Variants in POLE observed in about 807,000 individuals in gnomAD.
POLE encodes DNA polymerase epsilon, catalytic subunit.
In POLE, 188 loss-of-function variants were observed where a neutral mutation model predicts 279.2. The ratio of observed to expected loss-of-function variants is 0.67; its 90% CI spans 0.60 to 0.76. The LOEUF (loss-of-function observed/expected upper bound fraction) is 0.76. Ranked by LOEUF, POLE falls within the 30% of genes least tolerant of loss-of-function variation. POLE has a pLI of 0.00. For missense variants in POLE, 2,703 were observed against 3,016.7 expected, an observed-to-expected ratio of 0.90 and a Z score of 2.44; for synonymous variants, 1,214 against 1,172.5, an observed-to-expected ratio of 1.04 and a Z score of -0.72.
chr12:132,646,702 CGTGCCTGTAATCCCAGCTACTTGGGA>C, intron 32 of POLE, among the ~76,000 whole-genome samples: 1 of 151,864 alleles, frequency 6.6e-6, no homozygotes, highest in East Asian at 1.9e-4. Context: ...CGTGGTGGTG[CGTGCCTGTAATCCCAGCTACTTGGGA>C]GGCTGAGGCA....
At position 132,632,487 on chromosome 12, in the gene POLE, T is replaced by G; in HGVS notation, c.6158A>C (p.Asp2053Ala). 1 of 1,614,012 alleles carries G rather than the reference T, an allele frequency of 6.2e-7. No homozygotes were observed. The highest frequency in any genetic ancestry group is 8.5e-7 in the Non-Finnish European group (1 of 1,179,962). ...CTGAGTGAGCTCATTTGCGACATAA[T>G]CCTGAGAGAAGGTGATCATTCCTGG... ...ALPGMITFSQ[D>A]YVANELTQSF... The change falls in exon 45 of 49, where the codon GAT (aspartate) becomes GCT (alanine). Residue 2053 changes from aspartate (D) to alanine (A), a missense_variant. Asp to Ala is a moderately radical substitution (Grantham distance 126). Coordinates refer to ENST00000320574, the MANE Select transcript of POLE (RefSeq NM_006231.4).
chr12:132,644,065 T>A, intron 32 of POLE, 88 bp from the exon 33 acceptor site: 1 of 1,342,086 alleles, frequency 7.5e-7, no homozygotes, highest in Non-Finnish European at 9.9e-7. Context: ...TTCGGAGTCC[T>A]AGACTTCTGG....
chr12:132,652,312 T>C (rs1215557341), intron 29 of POLE, among the ~76,000 whole-genome samples: 1 of 132,048 alleles, frequency 7.6e-6, no homozygotes, highest in Non-Finnish European at 1.6e-5. Context: ...GATTGTAGTT[T>C]CCTTTTTTTT....
In POLE at chr12:132,638,037, A is replaced by G. The variant is rs761429503; in HGVS notation, c.5655T>C (p.Ala1885=). ...ACCTGCTGGTGATGTACTCCACGTA[A>G]GCGATGGCATCTTCCACACGGCGCT... ...TKKRRVEDAI[A]YVEYITSSIH... Residue 1885 remains alanine (A), a synonymous_variant, in exon 41 of 49, where the codon GCT becomes GCC. Transcript: ENST00000320574. 5 of 1,613,932 alleles carry G rather than the reference A, an allele frequency of 3.1e-6. No individual in the cohort carries two copies. The African/African-American group carries it at 5.3e-5, about 17-fold the overall frequency.
intron 16 of POLE, among the ~76,000 whole-genome samples, chr12:132,669,231 G>A (rs1001550492): frequency 3.9e-5 from 6 of 152,066 alleles, no homozygotes; most frequent in South Asian, 2.1e-4. Context: ...TTCGGAGACC[G>A]AGGCCAGAGG....
intron 20 of POLE, 55 bp downstream of exon 20, chr12:132,667,448 A>G: frequency 6.3e-7 from 1 of 1,590,528 alleles, no homozygotes; most frequent in Non-Finnish European, 8.6e-7. Context: ...CCACTTCATG[A>G]GCCGACTGAA....
intron 16 of POLE, among the ~76,000 whole-genome samples, chr12:132,671,604 G>A (rs1305317518): frequency 2.0e-5 from 3 of 149,352 alleles, no homozygotes; most frequent in Non-Finnish European, 4.4e-5. Context: ...GGGAGGCAGA[G>A]GTTGCAGTGA....
chr12:132,636,048 C>A (rs2138487820), intron 41 of POLE, 24 bp from the exon 42 acceptor site: 5 of 1,603,540 alleles, frequency 3.1e-6, no homozygotes, highest in Non-Finnish European at 4.3e-6. Flanking sequence ...ATTGAAGACG[C>A]TGCTTCAGTG....
Position 132,624,682 on chromosome 12 carries a change from G to A in POLE, c.*15C>T, listed in dbSNP as rs768492915. 12 of 1,536,250 alleles carry A rather than the reference G, an allele frequency of 7.8e-6. No individual in the cohort carries two copies. The highest frequency in any genetic ancestry group is 8.1e-6 in the Non-Finnish European group (9 of 1,110,308). ...GCCTGGCACGGACGCAGAGGCACCC[G>A]GGGCCCGGGGCTGGCTAATGGCCCA... On this transcript the variant is annotated 3_prime_UTR_variant, in exon 49 of 49. Coordinates refer to ENST00000320574, the MANE Select transcript of POLE (RefSeq NM_006231.4).
intron 41 of POLE, among the ~76,000 whole-genome samples, chr12:132,637,339 G>C (rs1293755632): frequency 6.6e-6 from 1 of 152,178 alleles, no homozygotes; most frequent in Non-Finnish European, 1.5e-5. Context: ...CAGACTCTCT[G>C]TGCCTCCACA....
rs5744971 is a variant in POLE, at chr12:132,638,122, T to C, written c.5570A>G (p.Lys1857Arg). 5.0e-4 allele frequency: 805 copies of C among 1,613,800 alleles called. 6 individuals carry two copies. The African/African-American group carries it at 9.9e-3, about 20-fold the overall frequency. ...GTAGATGACTGATGACCCCAGGCGC[T>C]TGAACTCAGCGATGAGCCTGTGGAG... is the stretch of plus-strand genomic sequence containing the variant. Reference protein sequence around the residue: ...KLFLQLIAEFKRLGSSVIYAN... With the variant: ...KLFLQLIAEFRRLGSSVIYAN... Residue 1857 changes from lysine (K) to arginine (R), a missense_variant, in exon 41 of 49, where the codon AAG (lysine) becomes AGG (arginine). Physicochemically the swap from Lys to Arg is conservative, Grantham distance 26. Transcript: ENST00000320574.
intron 29 of POLE, among the ~76,000 whole-genome samples, chr12:132,653,759 T>G (rs1455395846): frequency 6.6e-6 from 1 of 152,242 alleles, no homozygotes; most frequent in Non-Finnish European, 1.5e-5. Context: ...ACTTCAATGC[T>G]TCCAGTGTTT....
intron 20 of POLE, among the ~76,000 whole-genome samples, chr12:132,666,417 G>A (rs529301673): frequency 2.0e-5 from 3 of 152,318 alleles, no homozygotes; most frequent in African/African-American, 4.8e-5. Flanking sequence ...GTGAAACCCC[G>A]TCTCTACCAA....
chr12:132,627,061 G>A (rs996506455), intron 45 of POLE, among the ~76,000 whole-genome samples: 5 of 152,192 alleles, frequency 3.3e-5, no homozygotes, highest in African/African-American at 9.6e-5. Context: ...CAGGTGGATG[G>A]CCTGAGGTCA....
At chr12:132,656,536 T>G (rs2042544056) in intron 29 of POLE, among the ~76,000 whole-genome samples, 1 of 151,966 alleles carries the variant, frequency 6.6e-6, no homozygotes, top group Non-Finnish European at 1.5e-5. Flanking sequence ...TTTTTTGTAT[T>G]TTTAGTAGAG....
chr12:132,687,156 AACCGGGCCTCCCT>A, intron 1 of POLE, 85 bp downstream of exon 1: 4 of 640,184 alleles, frequency 6.2e-6, no homozygotes, highest in African/African-American at 2.0e-5. Flanking sequence ...CGGCTGCGGG[AACCGGGCCTCCCT>A]CCCGCCTCGG....
chr12:132,628,701 T>C (rs1276773505), intron 45 of POLE, among the ~76,000 whole-genome samples: 1 of 152,096 alleles, frequency 6.6e-6, no homozygotes, highest in Non-Finnish European at 1.5e-5. Context: ...ACTACTTTAC[T>C]GCTCATCCAT....
Position 132,650,227 on chromosome 12 carries a change from C to T in POLE, c.3583-338G>A, listed in dbSNP as rs2042392295. Reference sequence around the variant, plus strand: ...CTCATAAAAACAAGCAAACAAAAATCTCAGGATCTCATCCCCACAAATTCT... The same window carrying T: ...CTCATAAAAACAAGCAAACAAAAATTTCAGGATCTCATCCCCACAAATTCT... On this transcript the variant is annotated intron_variant, in intron 29 of 48. Coordinates refer to ENST00000320574, the MANE Select transcript of POLE (RefSeq NM_006231.4). 6 of 287,196 alleles carry T rather than the reference C, an allele frequency of 2.1e-5. No individual in the cohort carries two copies. The Admixed American group carries it at 2.9e-4, about 14-fold the overall frequency. 17.8% of individuals were successfully genotyped at this position (287,196 alleles called of 1,614,324 possible).
rs2043041900 is a variant in POLE, at chr12:132,675,979, A to G, written c.1020+115T>C. ...GCAGAAAAGACGGTCATACCCTGAG[A>G]ACAAAGCTCATGGAGCTGCAATTCT... On this transcript the variant is annotated intron_variant, in intron 10 of 48. Coordinates refer to ENST00000320574, the MANE Select transcript of POLE (RefSeq NM_006231.4). This position sits in a 1 kb window ranked among gnomAD's most constrained non-coding sequence, Gnocchi z 4.3. The G allele has an allele frequency of 3.2e-6, 3 of 929,556 alleles. No homozygotes were observed. In the African/African-American group the frequency reaches 4.9e-5, roughly 15 times the overall value. 57.6% of individuals were successfully genotyped at this position (929,556 alleles called of 1,614,324 possible). A position where few individuals can be genotyped will look rare whatever the true frequency, so the allele number is the denominator to read the frequency against.
Sources: allele counts gnomAD v4.1 joint callset (sites outside exome capture counted in the v4.1 genomes callset), GRCh38; gene constraint gnomAD v4.1.1; non-coding constraint Gnocchi (gnomAD v3.1); transcripts MANE v1.5; gene names NCBI Gene and HGNC (gene_info 2026-07-23, HGNC 2026-07-21).